The following LRBA variants were observed in gnomAD, a reference collection of about 807,000 sequenced individuals.
LRBA encodes lipopolysaccharide-responsive and beige-like anchor protein.
A neutral mutation model predicts 330.0 loss-of-function variants in LRBA; 176 were observed. The ratio of observed to expected loss-of-function variants is 0.53; its 90% CI spans 0.47 to 0.60. LRBA has a LOEUF of 0.60. LRBA is among the 20% of genes least tolerant of loss of function. LRBA has a pLI of 0.00. For missense variants in LRBA, 3,259 were observed against 3,444.8 expected (o/e 0.95, Z 1.35); for synonymous variants, 1,230 against 1,193.0 (o/e 1.03, Z -0.64).
chr4:150,997,744 C>T (rs1187120713), intron 2 of LRBA, among the ~76,000 whole-genome samples: 2 of 151,834 alleles, frequency 1.3e-5, no homozygotes, highest in Non-Finnish European at 2.9e-5. Flanking sequence ...CTCTCTGTCG[C>T]CCAGGCTGGA....
intron 9 of LRBA, among the ~76,000 whole-genome samples, chr4:150,910,632 T>TA: frequency 6.6e-6 from 1 of 152,308 alleles, no homozygotes; most frequent in African/African-American, 2.4e-5. Context: ...CCTTTTTAAA[T>TA]ACTGTTTTGG....
At chr4:150,319,052 C>T (rs1306654100) in intron 50 of LRBA, among the ~76,000 whole-genome samples, 2 of 152,152 alleles carry the variant, frequency 1.3e-5, no homozygotes, top group Non-Finnish European at 2.9e-5. Context: ...TAGTGAGGGA[C>T]ACCAGCTTGC....
intron 36 of LRBA, among the ~76,000 whole-genome samples, chr4:150,692,423 T>C (rs999956031): frequency 3.9e-5 from 6 of 152,054 alleles, no homozygotes; most frequent in Non-Finnish European, 8.8e-5. Flanking sequence ...TCTCACTATG[T>C]TGCCCACGCT....
At chr4:150,491,859 T>C (rs1194080122) in intron 40 of LRBA, among the ~76,000 whole-genome samples, 3 of 152,140 alleles carry the variant, frequency 2.0e-5, no homozygotes, top group Non-Finnish European at 4.4e-5. Context: ...AGACTCAGCA[T>C]TTCTCTACAC....
intron 36 of LRBA, among the ~76,000 whole-genome samples, chr4:150,701,530 G>A (rs115981943): frequency 0.016 from 2,501 of 152,246 alleles, 32 homozygotes; most frequent in Non-Finnish European, 0.026. Flanking sequence ...TAGGCAACAG[G>A]AGTTTTTCAG....
chr4:150,358,979 T>A (rs1738279966), intron 47 of LRBA, among the ~76,000 whole-genome samples: 1 of 152,140 alleles, frequency 6.6e-6, no homozygotes, highest in African/African-American at 2.4e-5. Context: ...CTGACTGCCA[T>A]AAACTTATAC....
Position 150,828,208 on chromosome 4 carries a change from G to T in LRBA, c.5143C>A (p.Gln1715Lys). The change falls in exon 30 of 57, where the codon CAA (glutamine) becomes AAA (lysine). Residue 1715 changes from glutamine to lysine, a missense_variant. Gln to Lys is a moderately conservative substitution (Grantham distance 53). Coordinates refer to ENST00000651943, the MANE Select transcript of LRBA (RefSeq NM_001364905.1). ...LGALGDLSVE[Q>K]PVQFRSFDRS... ...TCAAAAGATCTGAACTGCACGGGTT[G>T]TTCCACAGATAGATCACCAAGGGCT... is the stretch of plus-strand genomic sequence containing the variant. 6.2e-7 allele frequency: 1 copy of T among 1,614,094 alleles called. No individual in the cohort carries two copies. Among genetic ancestry groups the T allele is most frequent in the Non-Finnish European group, 8.5e-7 (1 of 1,179,972 alleles).
In LRBA at chr4:150,853,571, C is replaced by T. The variant is rs368562651; in HGVS notation, c.2767-628G>A. Among the ~76,000 whole-genome samples, 6 of 152,278 alleles carry T rather than the reference C, an allele frequency of 3.9e-5. No homozygotes were observed. The East Asian group carries it at 1.2e-3, about 29-fold the overall frequency. On this transcript the variant is annotated intron_variant, in intron 22 of 56. Coordinates refer to ENST00000651943, the MANE Select transcript of LRBA (RefSeq NM_001364905.1). Reference sequence around the variant, plus strand: ...TGTTTCAGTTGATCCATCCATACATCCATTCATTCCATTTATATCTGAGTG... The same window carrying T: ...TGTTTCAGTTGATCCATCCATACATTCATTCATTCCATTTATATCTGAGTG...
chr4:150,618,964 TAG>T (rs1346873602), intron 37 of LRBA, among the ~76,000 whole-genome samples: 1 of 151,690 alleles, frequency 6.6e-6, no homozygotes, highest in Non-Finnish European at 1.5e-5. Flanking sequence ...ATAATCATGT[TAG>T]AGAGAGAGAA....
intron 34 of LRBA, among the ~76,000 whole-genome samples, chr4:150,775,431 C>T (rs1211773168): frequency 6.9e-6 from 1 of 145,644 alleles, no homozygotes; most frequent in Non-Finnish European, 1.5e-5. Flanking sequence ...ACATACATTT[C>T]TAAAAGGAAG....
intron 37 of LRBA, among the ~76,000 whole-genome samples, chr4:150,638,230 T>A (rs541815739): frequency 6.6e-6 from 1 of 152,158 alleles, no homozygotes; most frequent in East Asian, 1.9e-4. Context: ...GTTTTCACCA[T>A]GTTGGCCAGG....
At chr4:150,439,670 G>A (rs908529677) in intron 44 of LRBA, among the ~76,000 whole-genome samples, 4 of 152,124 alleles carry the variant, frequency 2.6e-5, no homozygotes, top group Admixed American at 6.6e-5. Flanking sequence ...TGCTGCAGTT[G>A]GAAGGCTACA....
chr4:151,014,824 C>T lies in LRBA; in HGVS notation c.-182G>A, dbSNP rs1344397201. 1 of 570,594 alleles carries T rather than the reference C, an allele frequency of 1.8e-6. No homozygotes were observed. Among genetic ancestry groups the T allele is most frequent in the East Asian group, 2.8e-5 (1 of 35,964 alleles). 35.3% of individuals were successfully genotyped at this position (570,594 alleles called of 1,614,324 possible). On this transcript the variant is annotated 5_prime_UTR_variant, in exon 2 of 57. Transcript: ENST00000651943. ...CCTCCTCCTCTTGGAGAATATTTGT[C>T]CAATCTCTCTCCCCGAGGCTGACAA...
At chr4:150,464,869 CT>C (rs1184659479) in intron 44 of LRBA, among the ~76,000 whole-genome samples, 3 of 151,630 alleles carry the variant, frequency 2.0e-5, no homozygotes, top group South Asian at 2.1e-4. Context: ...AGTTTGCTAA[CT>C]TTTTTTTTCT....
At position 150,848,912 on chromosome 4, in the gene LRBA, A is replaced by G; in HGVS notation, c.4245T>C (p.Asp1415=). ...CAAGAGAACTTGCAAATATAAGCACATCCACAAGGCTAATTAGCCTCTGCA... is the reference window on the plus strand; with the variant it reads ...CAAGAGAACTTGCAAATATAAGCACGTCCACAAGGCTAATTAGCCTCTGCA... ...TFLQRLISLV[D]VLIFASSLGF... The change falls in exon 26 of 57, where the codon GAT becomes GAC. Residue 1415 remains aspartate, a synonymous_variant. Transcript: ENST00000651943. 1 of 1,613,170 alleles carries G rather than the reference A, an allele frequency of 6.2e-7. No homozygotes were observed. Among genetic ancestry groups the G allele is most frequent in the Admixed American group, 1.7e-5 (1 of 59,934 alleles).
Position 150,264,666 on chromosome 4 carries a change from C to CATACA in LRBA, c.*1051_*1055dup, listed in dbSNP as rs1182032559. 6.6e-6 allele frequency: 1 copy of CATACA among 152,630 alleles called. No individual in the cohort carries two copies. Among genetic ancestry groups the CATACA allele is most frequent in the African/African-American group, 2.4e-5 (1 of 41,450 alleles). The allele number at this position is 152,630 out of a possible 1,614,324, so 9.5% of individuals were successfully genotyped here. A position where few individuals can be genotyped will look rare whatever the true frequency, so the allele number is the denominator to read the frequency against. On this transcript the variant is annotated 3_prime_UTR_variant, in exon 57 of 57. Transcript: ENST00000651943. ...GAGAAATAGAGATCAAAGTTCACAA[C>CATACA]ATACAAAGAATTTATTTATGCAATA...
intron 17 of LRBA, among the ~76,000 whole-genome samples, chr4:150,883,756 T>C (rs1560958719): frequency 6.6e-6 from 1 of 152,170 alleles, no homozygotes; most frequent in Non-Finnish European, 1.5e-5. Context: ...TTCTACCCAG[T>C]TTAAGTAACT....
intron 15 of LRBA, 76 bp from the exon 16 acceptor site, chr4:150,896,532 G>C (rs1730106553): frequency 2.7e-6 from 2 of 737,700 alleles, no homozygotes; most frequent in East Asian, 5.4e-5. Flanking sequence ...ACATAGATTT[G>C]TCAAGTTGGT....
chr4:150,989,521 G>A (rs1741835283), intron 2 of LRBA, among the ~76,000 whole-genome samples: 1 of 152,092 alleles, frequency 6.6e-6, no homozygotes, highest in Admixed American at 6.5e-5. Context: ...GCTGAGGTGA[G>A]AGAATCGCTT....
Sources: gnomAD v4.1 joint callset for allele counts (sites outside exome capture counted in the v4.1 genomes callset) on GRCh38, gnomAD v4.1.1 for gene constraint, MANE v1.5 for transcripts, NCBI Gene and HGNC (gene_info 2026-07-23, HGNC 2026-07-21) for gene names.